Variants in TENM3 observed in about 807,000 individuals in gnomAD.
The protein encoded by TENM3 is teneurin-3.
A neutral mutation model predicts 255.1 loss-of-function variants in TENM3; 63 were observed. That is an observed-to-expected ratio of 0.25 (90% CI 0.20 to 0.30). TENM3 has a LOEUF of 0.30. Among genes scored for constraint, TENM3 ranks in the 10% least tolerant of loss-of-function variants. The pLI is 1.00. For missense variants in TENM3, 2,929 were observed against 3,461.1 expected (o/e 0.85, Z 3.86); for synonymous variants, 1,306 against 1,322.3 (o/e 0.99, Z 0.27).
At chr4:182,068,553 T>G in the TENM3 span, among the ~76,000 whole-genome samples, 2 of 152,014 alleles carry the variant, frequency 1.3e-5, no homozygotes, top group Non-Finnish European at 2.9e-5. Context: ...AAATGAAATA[T>G]GAAAAAAAAG....
intron 3 of TENM3, among the ~76,000 whole-genome samples, chr4:182,470,419 A>G (rs886668377): frequency 2.6e-5 from 4 of 152,230 alleles, no homozygotes; most frequent in African/African-American, 7.2e-5. Context: ...CTTGTTCTCA[A>G]TTCTAGTTCT....
the TENM3 span, among the ~76,000 whole-genome samples, chr4:181,993,201 C>A: frequency 6.6e-6 from 1 of 152,042 alleles, no homozygotes; most frequent in East Asian, 1.9e-4. Context: ...ATCCAGCATG[C>A]GCACAATAGG....
At chr4:181,838,434 T>G in the TENM3 span, among the ~76,000 whole-genome samples, 1 of 152,206 alleles carries the variant, frequency 6.6e-6, no homozygotes, top group Non-Finnish European at 1.5e-5. Flanking sequence ...ATTTGCTGAC[T>G]TCATAAAATG....
the TENM3 span, among the ~76,000 whole-genome samples, chr4:181,603,607 A>T: frequency 6.6e-6 from 1 of 152,190 alleles, no homozygotes; most frequent in Non-Finnish European, 1.5e-5. Flanking sequence ...GTAAAAAATG[A>T]TATGAAATAT....
chr4:182,335,299 C>T (rs1489230250), intron 2 of TENM3, among the ~76,000 whole-genome samples: 1 of 55,332 alleles, frequency 1.8e-5, no homozygotes, highest in Non-Finnish European at 4.3e-5. Context: ...GAGATCGAGA[C>T]CATCCTGTGA....
the TENM3 span, among the ~76,000 whole-genome samples, chr4:181,598,931 A>G: frequency 6.6e-6 from 1 of 152,186 alleles, no homozygotes; most frequent in South Asian, 2.1e-4. Context: ...ATTTTGATGA[A>G]AACAAAATTT....
At chr4:182,371,257 A>ACACACG (rs538983433) in intron 3 of TENM3, among the ~76,000 whole-genome samples, 6 of 151,446 alleles carry the variant, frequency 4.0e-5, no homozygotes, top group African/African-American at 7.3e-5. Flanking sequence ...ACACACACAC[A>ACACACG]CACAGACTTT....
At chr4:181,617,976 A>G in the TENM3 span, among the ~76,000 whole-genome samples, 2 of 152,242 alleles carry the variant, frequency 1.3e-5, no homozygotes, top group African/African-American at 2.4e-5. Flanking sequence ...TTGAGTGCAC[A>G]GTATGGATTG....
chr4:182,350,937 C>T (rs1204514873), intron 3 of TENM3, among the ~76,000 whole-genome samples: 2 of 152,102 alleles, frequency 1.3e-5, no homozygotes, highest in Non-Finnish European at 2.9e-5. Context: ...CCCGCCTCTG[C>T]CTCCCAAAGT....
chr4:182,291,778 A>T (rs1382568490), intron 1 of TENM3, among the ~76,000 whole-genome samples: 9 of 152,150 alleles, frequency 5.9e-5, no homozygotes, highest in Non-Finnish European at 1.2e-4. Context: ...GGAGCAGAGC[A>T]CGGGCTGCAG....
intron 4 of TENM3, among the ~76,000 whole-genome samples, chr4:182,605,485 T>TAAA (rs10676569): frequency 2.9e-4 from 42 of 142,522 alleles, no homozygotes; most frequent in African/African-American, 5.7e-4. Context: ...ATCATTTATT[T>TAAA]AAAAAAAAAA....
At chr4:182,590,538 C>CAAAAAAAA (rs34681777) in intron 3 of TENM3, among the ~76,000 whole-genome samples, 6 of 79,950 alleles carry the variant, frequency 7.5e-5, no homozygotes, top group Admixed American at 1.6e-4. Context: ...GACCCTGTCT[C>CAAAAAAAA]AAAAAAAAAA....
chr4:181,717,752 C>G, the TENM3 span, among the ~76,000 whole-genome samples: 6 of 152,050 alleles, frequency 3.9e-5, no homozygotes, highest in Non-Finnish European at 8.8e-5. Flanking sequence ...ATATCTCTGT[C>G]TAGAATGTGT....
At chr4:182,622,542 G>C (rs1750395972) in intron 4 of TENM3, among the ~76,000 whole-genome samples, 1 of 152,166 alleles carries the variant, frequency 6.6e-6, no homozygotes, top group Non-Finnish European at 1.5e-5. Flanking sequence ...TCATAATCTT[G>C]AGAGTCCCAT....
chr4:181,764,575 CAT>C, the TENM3 span, among the ~76,000 whole-genome samples: 10 of 152,308 alleles, frequency 6.6e-5, no homozygotes, highest in East Asian at 1.5e-3. Flanking sequence ...ACATTCTGCA[CAT>C]GATTGTTAAG....
the TENM3 span, among the ~76,000 whole-genome samples, chr4:181,997,469 T>C: frequency 6.6e-6 from 1 of 152,154 alleles, no homozygotes; most frequent in East Asian, 1.9e-4. Context: ...TGGCCTCATG[T>C]TCTCCCAAGA....
chr4:182,038,146 C>T, the TENM3 span, among the ~76,000 whole-genome samples: 101,419 of 152,124 alleles, frequency 0.67, 35,115 homozygotes, highest in South Asian at 0.79. Flanking sequence ...TCTATGCTAA[C>T]TGAGAGGTGA....
the TENM3 span, among the ~76,000 whole-genome samples, chr4:181,959,626 T>C: frequency 7.2e-5 from 11 of 152,332 alleles, no homozygotes; most frequent in Admixed American, 2.0e-4. Flanking sequence ...TACCTTTTAA[T>C]CTTTTTCTGT....
At chr4:181,447,927 C>G in the TENM3 span, among the ~76,000 whole-genome samples, 1 of 151,988 alleles carries the variant, frequency 6.6e-6, no homozygotes, top group Non-Finnish European at 1.5e-5. Flanking sequence ...CTGCACCCTG[C>G]CTATAGCCGT....
Sources: gnomAD v4.1 joint callset for allele counts (sites outside exome capture counted in the v4.1 genomes callset) on GRCh38, gnomAD v4.1.1 for gene constraint, MANE v1.5 for transcripts, NCBI Gene and HGNC (gene_info 2026-07-23, HGNC 2026-07-21) for gene names.